The following GLDC variants were observed in gnomAD, a reference collection of about 807,000 sequenced individuals.
GLDC encodes the protein glycine decarboxylase.
A neutral mutation model predicts 121.3 loss-of-function variants in GLDC; 104 were observed. That is an observed-to-expected ratio of 0.86 (90% CI 0.73 to 1.01). GLDC has a LOEUF of 1.01. GLDC is among the 50% of genes least tolerant of loss of function. The probability of loss-of-function intolerance (pLI) is 0.00; values close to 1 mark genes in which losing one functional copy is unlikely to be tolerated. For missense variants in GLDC, 1,429 were observed against 1,306.6 expected, an observed-to-expected ratio of 1.09 and a Z score of -1.44; for synonymous variants, 546 against 480.6, an observed-to-expected ratio of 1.14 and a Z score of -1.78.
chr9:6,629,957 A>ATATATATATATTTTTT, intron 2 of GLDC, among the ~76,000 whole-genome samples: 1 of 83,102 alleles, frequency 1.2e-5, no homozygotes, highest in Non-Finnish European at 2.1e-5. Flanking sequence ...ATATATATAT[A>ATATATATATATTTTTT]TTTTTTTTTT....
chr9:6,561,510 A>C (rs1817759248), intron 16 of GLDC, among the ~76,000 whole-genome samples: 1 of 152,038 alleles, frequency 6.6e-6, no homozygotes, highest in Non-Finnish European at 1.5e-5. Context: ...ATAGCCAGGC[A>C]TGGTGGTGCA....
At chr9:6,620,607 T>C (rs946444899) in intron 2 of GLDC, among the ~76,000 whole-genome samples, 1 of 152,192 alleles carries the variant, frequency 6.6e-6, no homozygotes, top group African/African-American at 2.4e-5. Context: ...ACTTGCCTCA[T>C]TCCAGGCTTT....
chr9:6,598,926 A>G (rs561359599), intron 8 of GLDC, among the ~76,000 whole-genome samples: 2 of 152,360 alleles, frequency 1.3e-5, no homozygotes, highest in East Asian at 1.9e-4. Flanking sequence ...CATGCCTGTA[A>G]TCCCAGCACT....
intron 8 of GLDC, 136 bp downstream of exon 8, chr9:6,601,973 C>A (rs1369109912): frequency 2.9e-6 from 2 of 679,550 alleles, no homozygotes; most frequent in African/African-American, 1.8e-5. Flanking sequence ...GCCTTCTACA[C>A]CAATAAGATC....
intron 2 of GLDC, among the ~76,000 whole-genome samples, chr9:6,643,547 G>A (rs2130024919): frequency 6.6e-6 from 1 of 151,272 alleles, no homozygotes; most frequent in South Asian, 2.1e-4. Flanking sequence ...TTTTTTAAGA[G>A]CTCAGCCTGT....
intron 9 of GLDC, among the ~76,000 whole-genome samples, chr9:6,593,286 T>TATATATATATATATATATATATATATAA (rs1333210071): frequency 1.3e-5 from 2 of 150,606 alleles, no homozygotes; most frequent in African/African-American, 4.9e-5. Context: ...TATATATATA[T>TATATATATATATATATATATATATATAA]AAAATTATAC....
intron 3 of GLDC, among the ~76,000 whole-genome samples, chr9:6,612,716 G>C (rs2129925671): frequency 6.6e-6 from 1 of 152,278 alleles, no homozygotes; most frequent in South Asian, 2.1e-4. Context: ...ACAAAAATTA[G>C]CTGGGTGTGG....
chr9:6,603,515 G>C (rs1818661448), intron 7 of GLDC, among the ~76,000 whole-genome samples: 2 of 151,078 alleles, frequency 1.3e-5, no homozygotes, highest in Non-Finnish European at 1.5e-5. Flanking sequence ...CTGGGTGATG[G>C]AGTGAGACTT....
Position 6,543,341 on chromosome 9 carries a change from C to T in GLDC, c.2570-3195G>A, listed in dbSNP as rs138390352. Among the ~76,000 whole-genome samples the T allele has an allele frequency of 2.5e-3, 378 of 152,116 alleles. 2 individuals are homozygous for T. Among genetic ancestry groups the T allele is most frequent in the Middle Eastern group, 6.8e-3 (2 of 294 alleles). ...CGAAGGCTAATGGAAGCTCACTGCT[C>T]GGAATGACACCAGACAGCAGGGAGG... On this transcript the variant is annotated intron_variant, in intron 21 of 24. Transcript: ENST00000321612.
At chr9:6,591,933 T>G in intron 11 of GLDC, 2 of 454,436 alleles carry the variant, frequency 4.4e-6, no homozygotes, top group Non-Finnish European at 8.2e-6. Flanking sequence ...TCTTTCCAAC[T>G]AGCCTGGGTG....
At chr9:6,540,205 AAATG>A (rs1817226461) in intron 21 of GLDC, 59 bp from the exon 22 acceptor site, 3 of 1,051,404 alleles carry the variant, frequency 2.9e-6, no homozygotes, top group Non-Finnish European at 4.5e-6. Context: ...TTACCCAAAC[AAATG>A]AATAAGTAAT....
intron 19 of GLDC, 133 bp downstream of exon 19, chr9:6,554,536 G>C: frequency 2.7e-6 from 2 of 734,682 alleles, no homozygotes; most frequent in East Asian, 2.7e-5. Flanking sequence ...TCCTCCCCCA[G>C]CCCCTACAAG....
chr9:6,576,649 C>T (rs1818071231), intron 15 of GLDC, among the ~76,000 whole-genome samples: 1 of 151,884 alleles, frequency 6.6e-6, no homozygotes, highest in Non-Finnish European at 1.5e-5. Context: ...GTATTTGCAG[C>T]AGAGATGGAG....
chr9:6,581,461 A>G (rs10815450), intron 15 of GLDC, among the ~76,000 whole-genome samples: 30,045 of 152,228 alleles, frequency 0.2, 3,566 homozygotes, highest in Middle Eastern at 0.28. Context: ...TGATTTTGGG[A>G]AACCCCAAAT....
At chr9:6,594,112 A>T (rs1049457365) in intron 9 of GLDC, among the ~76,000 whole-genome samples, 1 of 152,126 alleles carries the variant, frequency 6.6e-6, no homozygotes, top group Admixed American at 6.5e-5. Context: ...TACACGAGTA[A>T]CCATGTCTAG....
chr9:6,610,415 A>G, intron 3 of GLDC, 59 bp from the exon 4 acceptor site: 2 of 1,548,758 alleles, frequency 1.3e-6, no homozygotes, highest in Non-Finnish European at 1.8e-6. Flanking sequence ...AGCACACAAA[A>G]TGCTATCATT....
At chr9:6,637,510 C>T (rs1040303824) in intron 2 of GLDC, among the ~76,000 whole-genome samples, 4 of 151,950 alleles carry the variant, frequency 2.6e-5, no homozygotes, top group Non-Finnish European at 2.9e-5. Flanking sequence ...TGTGCAGTGG[C>T]GCAATCACAG....
intron 2 of GLDC, among the ~76,000 whole-genome samples, chr9:6,644,153 T>C (rs759688551): frequency 1.4e-5 from 2 of 147,924 alleles, no homozygotes; most frequent in Non-Finnish European, 3.0e-5. Flanking sequence ...AAGAAAACAA[T>C]TGGAAGATAC....
chr9:6,580,531 C>G (rs1818153372), intron 15 of GLDC, among the ~76,000 whole-genome samples: 1 of 152,164 alleles, frequency 6.6e-6, no homozygotes, highest in Admixed American at 6.5e-5. Flanking sequence ...ATCTGAAGCC[C>G]TCTAATTAGA....
Sources: allele counts gnomAD v4.1 joint callset (sites outside exome capture counted in the v4.1 genomes callset), GRCh38; gene constraint gnomAD v4.1.1; transcripts MANE v1.5; gene names NCBI Gene and HGNC (gene_info 2026-07-23, HGNC 2026-07-21).